ACADL: variants seen among roughly 807,000 people sequenced by gnomAD.
The protein encoded by ACADL is acyl-CoA dehydrogenase long chain, also known as long-chain specific acyl-CoA dehydrogenase, mitochondrial.
Under a neutral mutation model 56.9 loss-of-function variants are expected in ACADL, and 60 were observed. The ratio of observed to expected loss-of-function variants is 1.05; its 90% CI spans 0.86 to 1.31. The LOEUF is 1.31. ACADL is among the 50% of genes most tolerant of loss of function. The pLI, the probability that ACADL is intolerant of heterozygous loss-of-function variation, is 0.00. For missense variants in ACADL, 484 were observed against 525.5 expected (o/e 0.92, Z 0.77); for synonymous variants, 158 against 179.7 (o/e 0.88, Z 0.97).
rs1689115765 is a variant in ACADL at position 210,218,006 on chromosome 2, A to G, written c.330T>C (p.Ile110=). ...TAGCTGCGGAGTACAGATCCCCTCC[A>G]ATTCCACCAAGATGCTCTGCAATAT... The part of the protein sequence containing the change: ...GVNIAEHLGG[I]GGDLYSAAIV... Residue 110 remains isoleucine (I), a synonymous_variant, in exon 3 of 11, where the codon ATT becomes ATC. Transcript: ENST00000233710. 1.2e-5 allele frequency: 20 copies of G among 1,614,022 alleles called. No homozygotes were observed. The East Asian group carries it at 4.5e-4, about 36-fold the overall frequency.
chr2:210,209,931 C>A (rs1421835120), intron 5 of ACADL: 4 of 365,448 alleles, frequency 1.1e-5, no homozygotes, highest in Non-Finnish European at 1.5e-5. Context: ...CTCACCTTGT[C>A]TTTTTCTGGT....
intron 8 of ACADL, among the ~76,000 whole-genome samples, chr2:210,202,972 T>C (rs542153779): frequency 6.6e-6 from 1 of 152,184 alleles, no homozygotes; most frequent in Non-Finnish European, 1.5e-5. Context: ...TAAGCAGCAA[T>C]TGATCCCACT....
intron 8 of ACADL, among the ~76,000 whole-genome samples, chr2:210,202,677 G>A (rs263680): frequency 0.13 from 19,630 of 151,736 alleles, 1,683 homozygotes; most frequent in African/African-American, 0.25. Context: ...ATATGCACCC[G>A]CATTCCCATC....
At chr2:210,208,780 T>C (rs1196378603) in intron 5 of ACADL, among the ~76,000 whole-genome samples, 11 of 152,210 alleles carry the variant, frequency 7.2e-5, no homozygotes, top group Non-Finnish European at 5.9e-5. Context: ...TGTTAAAAAC[T>C]TTGTGTTGCT....
At position 210,205,087 on chromosome 2, in the gene ACADL, C is replaced by T. The variant is rs184108357; in HGVS notation, c.769-405G>A. Among the ~76,000 whole-genome samples the T allele has an allele frequency of 9.3e-4, 141 of 152,096 alleles. 3 individuals are homozygous for T. In the East Asian group the frequency reaches 0.02, roughly 22 times the overall value. ...TGTTGCCCAGGCTGGAGTGCAGTGG[C>T]GTGATCTTGGCTCACTGCAACCTCT... On this transcript the variant is annotated intron_variant, in intron 6 of 10. Transcript: ENST00000233710.
At position 210,197,186 on chromosome 2, in the gene ACADL, C is replaced by G. The variant is rs546552234; in HGVS notation, c.985-1848G>C. ...GCTGATGAAAACTCCAACTGACTGT[C>G]TTTCCCCTGGTTTTATTTCACCCTG... is the stretch of plus-strand genomic sequence containing the variant. On this transcript the variant is annotated intron_variant, in intron 8 of 10. Transcript: ENST00000233710. 2.0e-5 allele frequency among the ~76,000 whole-genome samples: 3 copies of G among 152,244 alleles called. No individual in the cohort carries two copies. In the South Asian group the frequency reaches 6.2e-4, roughly 32 times the overall value.
chr2:210,208,201 C>T (rs1347804403), intron 5 of ACADL, among the ~76,000 whole-genome samples: 1 of 152,056 alleles, frequency 6.6e-6, no homozygotes, highest in Non-Finnish European at 1.5e-5. Flanking sequence ...GTTTTAACTA[C>T]AGATAATAAA....
intron 1 of ACADL, among the ~76,000 whole-genome samples, chr2:210,223,311 G>C (rs1476265602): frequency 6.6e-6 from 1 of 152,088 alleles, no homozygotes; most frequent in African/African-American, 2.4e-5. Flanking sequence ...TTTTCTCTAA[G>C]GCAATAAACT....
intron 9 of ACADL, among the ~76,000 whole-genome samples, chr2:210,194,934 C>T (rs979430880): frequency 2.6e-5 from 4 of 152,150 alleles, no homozygotes; most frequent in African/African-American, 9.7e-5. Flanking sequence ...CATTTTCCCA[C>T]TCTTAATATT....
chr2:210,195,600 A>C (rs1483709096), intron 8 of ACADL, among the ~76,000 whole-genome samples: 1 of 152,192 alleles, frequency 6.6e-6, no homozygotes, highest in East Asian at 1.9e-4. Flanking sequence ...TCAGATTGTA[A>C]AATTTAGACG....
chr2:210,217,873 ATTTGTTTGTTTG>A lies in ACADL; in HGVS notation c.371+80_371+91del. ...TTTCAATCTTCCAAGATTAGAAAAC[ATTTGTTTGTTTG>A]TTTGTTTGTTTGGTCATTTCAGAAA... On this transcript the variant is annotated intron_variant, in intron 3 of 10. Coordinates refer to ENST00000233710, the MANE Select transcript of ACADL (RefSeq NM_001608.4). 8.8e-6 allele frequency: 13 copies of A among 1,483,746 alleles called. No homozygotes were observed. In the South Asian group the frequency reaches 1.4e-4, roughly 16 times the overall value. 91.9% of individuals were successfully genotyped at this position (1,483,746 alleles called of 1,614,324 possible). A position where few individuals can be genotyped will look rare whatever the true frequency, so the allele number is the denominator to read the frequency against.
intron 5 of ACADL, among the ~76,000 whole-genome samples, chr2:210,207,435 G>C (rs2125713489): frequency 6.6e-6 from 1 of 151,958 alleles, no homozygotes; most frequent in Non-Finnish European, 1.5e-5. Context: ...ACTACTTGCT[G>C]TCCATCACGT....
chr2:210,209,922 T>C, intron 5 of ACADL: 1 of 355,452 alleles, frequency 2.8e-6, no homozygotes, highest in Non-Finnish European at 5.2e-6. Flanking sequence ...AATGTGAGCC[T>C]CACCTTGTCT....
chr2:210,217,933 CAA>C, intron 3 of ACADL, 30 bp downstream of exon 3: 1 of 1,613,230 alleles, frequency 6.2e-7, no homozygotes, highest in Non-Finnish European at 8.5e-7. Context: ...GTTTACAAAA[CAA>C]GACTCAACCT....
At chr2:210,200,417 A>G (rs947245338) in intron 8 of ACADL, among the ~76,000 whole-genome samples, 10 of 152,314 alleles carry the variant, frequency 6.6e-5, no homozygotes, top group African/African-American at 2.4e-4. Context: ...TATACAAGTT[A>G]TACCTCCAGT....
chr2:210,224,584 C>G (rs1689235318), intron 1 of ACADL: 1 of 985,412 alleles, frequency 1.0e-6, no homozygotes, highest in South Asian at 4.7e-5. Context: ...TTCATTAATC[C>G]TCTGTATTTA....
In ACADL at chr2:210,216,555, T is replaced by TA. The variant is rs1207498280; in HGVS notation, c.372-45dup. 7 of 1,548,902 alleles carry TA rather than the reference T, an allele frequency of 4.5e-6. No homozygotes were observed. In the East Asian group the frequency reaches 1.4e-4, roughly 30 times the overall value. On this transcript the variant is annotated intron_variant, in intron 3 of 10. Transcript: ENST00000233710. ...GAAAAATTAGAGCATAAAATAGCAA[T>TA]AAAAAACGACTATTATAACAACAAT...
chr2:210,216,520 G>C lies in ACADL; in HGVS notation c.372-9C>G. 2 of 1,585,224 alleles carry C rather than the reference G, an allele frequency of 1.3e-6. No homozygotes were observed. Among genetic ancestry groups the C allele is most frequent in the Non-Finnish European group, 1.7e-6 (2 of 1,162,724 alleles). The stretch of plus-strand genomic sequence containing the variant: ...AACAATTTGAATAAGCTCTTAGAAT[G>C]AAAAAAGAAGAAAAATTAGAGCATA... On this transcript the variant is annotated splice_polypyrimidine_tract_variant and intron_variant, in intron 3 of 10. Transcript: ENST00000233710.
At chr2:210,199,808 GATCTC>G (rs1336816631) in intron 8 of ACADL, among the ~76,000 whole-genome samples, 1 of 152,052 alleles carries the variant, frequency 6.6e-6, no homozygotes. Context: ...ACAATAGTGA[GATCTC>G]AGCTCACTGC....
Sources: allele counts gnomAD v4.1 joint callset (sites outside exome capture counted in the v4.1 genomes callset), GRCh38; gene constraint gnomAD v4.1.1; transcripts MANE v1.5; gene names NCBI Gene and HGNC (gene_info 2026-07-23, HGNC 2026-07-21).